NAV3: variants seen among roughly 807,000 people sequenced by gnomAD.
The protein encoded by NAV3 is neuron navigator 3, also known as pore membrane and/or filament interacting like protein 1.
NAV3 carries 87 observed loss-of-function variants against 244.7 expected under a neutral mutation model. That is an observed-to-expected ratio of 0.36 (90% confidence interval 0.30 to 0.42). The LOEUF (loss-of-function observed/expected upper bound fraction) is 0.42, where lower values mean the gene tolerates loss of function less well. NAV3 is among the 20% of genes least tolerant of loss of function. The pLI is 1.00. For missense variants in NAV3, 2,663 were observed against 2,893.3 expected (o/e 0.92, Z 1.83); for synonymous variants, 1,126 against 1,042.2 (o/e 1.08, Z -1.55).
At chr12:77,667,487 C>G (rs1873768326) in intron 2 of NAV3, among the ~76,000 whole-genome samples, 1 of 152,002 alleles carries the variant, frequency 6.6e-6, no homozygotes, top group African/African-American at 2.4e-5. Context: ...TGGCTTCCCC[C>G]CACTTCCCTG....
Position 77,761,144 on chromosome 12 carries a change from C to T in NAV3, c.73-179175C>T, listed in dbSNP as rs141764224. Among the ~76,000 whole-genome samples the T allele has an allele frequency of 2.4e-3, 362 of 152,226 alleles. 4 individuals carry two copies. Among genetic ancestry groups the T allele is most frequent in the African/African-American group, 8.4e-3 (350 of 41,532 alleles). On this transcript the variant is annotated intron_variant, in intron 2 of 8. Transcript: ENST00000550042. ...TGCTATCTCGGCTCACTGCAACCTCCGCCTCCCACGTTCAAGCGATTCTCC... is the reference window on the plus strand; with the variant it reads ...TGCTATCTCGGCTCACTGCAACCTCTGCCTCCCACGTTCAAGCGATTCTCC...
chr12:77,741,170 A>G (rs1159524846), intron 2 of NAV3, among the ~76,000 whole-genome samples: 6 of 147,576 alleles, frequency 4.1e-5, no homozygotes, highest in Admixed American at 1.3e-4. Context: ...AAAAAAAGAA[A>G]AGAAAGAAAA....
chr12:77,887,070 A>T (rs574424044), intron 1 of NAV3, among the ~76,000 whole-genome samples: 1 of 152,282 alleles, frequency 6.6e-6, no homozygotes, highest in East Asian at 1.9e-4. Flanking sequence ...GTTAGAGAAG[A>T]ACCCATTCTG....
At chr12:77,738,573 A>G (rs1345094452) in intron 2 of NAV3, among the ~76,000 whole-genome samples, 1 of 152,250 alleles carries the variant, frequency 6.6e-6, no homozygotes, top group East Asian at 1.9e-4. Context: ...ATATACTCAC[A>G]TACACACACG....
rs140746900 is a variant in NAV3, at chr12:77,832,333, C to T, written c.243+629C>T. On this transcript the variant is annotated intron_variant, in intron 1 of 39. Coordinates refer to ENST00000397909, the MANE Select transcript of NAV3 (RefSeq NM_001024383.2). ...TTATGATATTTTGTGAGTAGTTGCT[C>T]ATAGCCCTTGGTTTCTAAAGCATAC... Among the ~76,000 whole-genome samples the T allele has an allele frequency of 3.5e-3, 527 of 152,278 alleles. 2 individuals carry two copies. Among genetic ancestry groups the T allele is most frequent in the African/African-American group, 0.012 (497 of 41,554 alleles).
At chr12:77,655,213 A>C (rs1873034009) in intron 2 of NAV3, among the ~76,000 whole-genome samples, 1 of 152,160 alleles carries the variant, frequency 6.6e-6, no homozygotes, top group Admixed American at 6.5e-5. Flanking sequence ...TTTGAAAAAA[A>C]TTTAGACGAA....
At chr12:77,729,185 G>C (rs1036613129) in intron 2 of NAV3, among the ~76,000 whole-genome samples, 3 of 151,930 alleles carry the variant, frequency 2.0e-5, no homozygotes, top group Admixed American at 2.0e-4. Context: ...CTGTGTAGGG[G>C]GTTGGCACCC....
intron 7 of NAV3, among the ~76,000 whole-genome samples, chr12:78,001,969 A>G (rs1010437760): frequency 9.2e-5 from 14 of 152,202 alleles, no homozygotes; most frequent in Non-Finnish European, 5.9e-5. Context: ...CCAGAACCAT[A>G]TGAGAGTACT....
chr12:77,737,034 G>A (rs2137371357), intron 2 of NAV3, among the ~76,000 whole-genome samples: 1 of 151,884 alleles, frequency 6.6e-6, no homozygotes, highest in Non-Finnish European at 1.5e-5. Context: ...ACTTGAAGAG[G>A]GTAAAGAAAT....
At chr12:77,999,908 A>G (rs1872952494) in intron 7 of NAV3, among the ~76,000 whole-genome samples, 1 of 152,304 alleles carries the variant, frequency 6.6e-6, no homozygotes, top group Admixed American at 6.5e-5. Context: ...CTTAGAAATA[A>G]AGATGTGTTA....
At chr12:78,081,185 C>T (rs1414334748) in intron 12 of NAV3, among the ~76,000 whole-genome samples, 4 of 152,156 alleles carry the variant, frequency 2.6e-5, no homozygotes, top group Admixed American at 6.5e-5. Flanking sequence ...ATCTTATGAA[C>T]TATAGCGTGA....
intron 34 of NAV3, among the ~76,000 whole-genome samples, chr12:78,194,824 T>C (rs1431367740): frequency 6.6e-6 from 1 of 152,270 alleles, no homozygotes; most frequent in African/African-American, 2.4e-5. Context: ...TGGAAAGCTC[T>C]TCTGTTGTGT....
At chr12:78,104,806 T>A (rs540956287) in intron 12 of NAV3, among the ~76,000 whole-genome samples, 4 of 152,206 alleles carry the variant, frequency 2.6e-5, no homozygotes, top group Non-Finnish European at 4.4e-5. Context: ...GCATTTTTCC[T>A]TTTCTTAAAT....
intron 5 of NAV3, among the ~76,000 whole-genome samples, chr12:77,976,004 T>C (rs1299363834): frequency 6.6e-6 from 1 of 152,172 alleles, no homozygotes; most frequent in Non-Finnish European, 1.5e-5. Context: ...ACTGATAGAC[T>C]TGTAATGAAA....
At chr12:77,863,910 G>A (rs1879629311) in intron 1 of NAV3, among the ~76,000 whole-genome samples, 1 of 151,844 alleles carries the variant, frequency 6.6e-6, no homozygotes, top group Non-Finnish European at 1.5e-5. Context: ...GAAAATGAAA[G>A]TTATTTGAGG....
At chr12:77,611,421 C>T (rs536724269) in intron 2 of NAV3, among the ~76,000 whole-genome samples, 2 of 151,864 alleles carry the variant, frequency 1.3e-5, no homozygotes, top group African/African-American at 4.8e-5. Context: ...AATATTGATA[C>T]ATTAAATGTA....
Position 78,043,346 on chromosome 12 carries a change from G to C in NAV3, c.2024-6647G>C, listed in dbSNP as rs552780182. On this transcript the variant is annotated intron_variant, in intron 9 of 39. Transcript: ENST00000397909. ...CAGTCTATCATTGATGGGCATTTGG[G>C]TTGGTTCCAAGTCTTTGCTATTGTG... Among the ~76,000 whole-genome samples, 229 of 152,192 alleles carry C rather than the reference G, an allele frequency of 1.5e-3. 1 individual carries two copies. Among genetic ancestry groups the C allele is most frequent in the African/African-American group, 5.1e-3 (211 of 41,512 alleles).
intron 2 of NAV3, among the ~76,000 whole-genome samples, chr12:77,677,774 A>C (rs1474484474): frequency 6.6e-6 from 1 of 152,224 alleles, no homozygotes; most frequent in African/African-American, 2.4e-5. Flanking sequence ...TTTTGGAACC[A>C]AACTATTTTT....
chr12:77,649,567 A>G (rs1872736613), intron 2 of NAV3, among the ~76,000 whole-genome samples: 1 of 152,172 alleles, frequency 6.6e-6, no homozygotes, highest in Admixed American at 6.6e-5. Context: ...AGAAGAGTAA[A>G]TCAGAAATAG....
Sources: gnomAD v4.1 joint callset for allele counts (sites outside exome capture counted in the v4.1 genomes callset) on GRCh38, gnomAD v4.1.1 for gene constraint, MANE v1.5 for transcripts, NCBI Gene and HGNC (gene_info 2026-07-23, HGNC 2026-07-21) for gene names.